Variants in C12orf56 observed in about 807,000 individuals in gnomAD.
The protein encoded by C12orf56 is uncharacterized protein C12orf56.
In C12orf56, 71 loss-of-function variants were observed where a neutral mutation model predicts 69.9. The observed-to-expected ratio is 1.02, with a 90% CI of 0.84 to 1.24. The LOEUF is 1.24. Ranked by LOEUF, C12orf56 falls within the 50% of genes most tolerant of loss-of-function variation. C12orf56 has a pLI of 0.00. For missense variants in C12orf56, 732 were observed against 738.5 expected (o/e 0.99, Z 0.10); for synonymous variants, 276 against 274.1 (o/e 1.01, Z -0.07).
chr12:64,344,161 C>G (rs904123837), intron 2 of C12orf56, among the ~76,000 whole-genome samples: 6 of 152,136 alleles, frequency 3.9e-5, no homozygotes, highest in Non-Finnish European at 7.4e-5. Context: ...TGCACAGTTA[C>G]CCTGCTAAAA....
At chr12:64,268,322 A>G (rs983074240) in intron 12 of C12orf56, among the ~76,000 whole-genome samples, 1 of 152,170 alleles carries the variant, frequency 6.6e-6, no homozygotes, top group Non-Finnish European at 1.5e-5. Flanking sequence ...GTCATCTCAC[A>G]AGTGTGACAC....
At chr12:64,328,732 T>TATATATATATATATAG (rs1555190211) in intron 3 of C12orf56, among the ~76,000 whole-genome samples, 1 of 107,176 alleles carries the variant, frequency 9.3e-6, no homozygotes, top group African/African-American at 3.3e-5. Context: ...TATATATATA[T>TATATATATATATATAG]ATATAGTATC....
Position 64,266,555 on chromosome 12 carries a change from G to A in C12orf56, c.*628C>T, listed in dbSNP as rs2037921553. ...TTCCAGAAGTGGCGTGGATGCGCCA[G>A]GCCCTGCTGGTGGTGGACATAGTGG... is the stretch of plus-strand genomic sequence containing the variant. On this transcript the variant is annotated 3_prime_UTR_variant, in exon 13 of 13. Transcript: ENST00000543942. The A allele has an allele frequency of 3.2e-6, 1 of 311,304 alleles. No homozygotes were observed. Among genetic ancestry groups the A allele is most frequent in the Admixed American group, 3.9e-5 (1 of 25,748 alleles). 19.3% of individuals were successfully genotyped at this position (311,304 alleles called of 1,614,324 possible).
intron 5 of C12orf56, among the ~76,000 whole-genome samples, chr12:64,307,865 A>G (rs2038537126): frequency 6.6e-6 from 1 of 151,752 alleles, no homozygotes; most frequent in South Asian, 2.1e-4. Context: ...TTAATTAATT[A>G]ATTAGCCAGC....
chr12:64,343,505 G>A (rs1224970355), intron 2 of C12orf56, among the ~76,000 whole-genome samples: 1 of 152,204 alleles, frequency 6.6e-6, no homozygotes, highest in Non-Finnish European at 1.5e-5. Context: ...TGGGCCTATG[G>A]ATAGGAATGG....
chr12:64,299,836 A>G (rs2038421233), intron 6 of C12orf56, among the ~76,000 whole-genome samples: 1 of 152,226 alleles, frequency 6.6e-6, no homozygotes, highest in African/African-American at 2.4e-5. Flanking sequence ...AGGAAGTGCT[A>G]TGAAAGATGT....
At chr12:64,354,955 G>A (rs531013108) in intron 1 of C12orf56, among the ~76,000 whole-genome samples, 2 of 151,292 alleles carry the variant, frequency 1.3e-5, no homozygotes, top group African/African-American at 4.8e-5. Flanking sequence ...GTGCATGCCT[G>A]TAGTCACAGC....
At chr12:64,307,368 C>CTTTTTTTT (rs748644044) in intron 5 of C12orf56, among the ~76,000 whole-genome samples, 36 of 115,248 alleles carry the variant, frequency 3.1e-4, no homozygotes, top group East Asian at 5.1e-4. Context: ...ATAGTCAGTC[C>CTTTTTTTT]TTTTTTTTTT....
chr12:64,363,712 G>A (rs1265599644), intron 1 of C12orf56, among the ~76,000 whole-genome samples: 2 of 152,126 alleles, frequency 1.3e-5, no homozygotes, highest in Non-Finnish European at 2.9e-5. Context: ...CTAAATGTTC[G>A]AGTTTAGCAC....
rs566284436 is a variant in C12orf56, at chr12:64,374,697, C to A, written c.252+15617G>T. 3.9e-5 allele frequency among the ~76,000 whole-genome samples: 6 copies of A among 152,106 alleles called. No homozygotes were observed. The East Asian group carries it at 1.2e-3, about 29-fold the overall frequency. On this transcript the variant is annotated intron_variant, in intron 1 of 12. Transcript: ENST00000543942. ...TAGCTGGGATTACAGGTGCCCACCACCATGCCCGGCTAATTTTTAAATTTT... is the reference window on the plus strand; with the variant it reads ...TAGCTGGGATTACAGGTGCCCACCAACATGCCCGGCTAATTTTTAAATTTT...
intron 11 of C12orf56, 75 bp downstream of exon 11, chr12:64,274,825 GT>G: frequency 1.7e-6 from 2 of 1,149,786 alleles, no homozygotes; most frequent in Non-Finnish European, 2.5e-6. Context: ...GAAAATCTGT[GT>G]TTTATTAATT....
chr12:64,276,987 C>T (rs1337072451), intron 9 of C12orf56, among the ~76,000 whole-genome samples: 1 of 7,072 alleles, frequency 1.4e-4, no homozygotes, highest in Non-Finnish European at 4.4e-4. Context: ...GAGTGAAACC[C>T]TTTCTTAAAA....
At chr12:64,282,172 A>G (rs1027063804) in intron 8 of C12orf56, among the ~76,000 whole-genome samples, 3 of 152,238 alleles carry the variant, frequency 2.0e-5, no homozygotes, top group Non-Finnish European at 4.4e-5. Context: ...CCCCGACAAC[A>G]AAGTGAGACC....
chr12:64,338,086 C>G, intron 2 of C12orf56: 1 of 440,594 alleles, frequency 2.3e-6, no homozygotes, highest in Non-Finnish European at 4.4e-6. Context: ...AAAGAGGAAG[C>G]TACAGAGACA....
intron 1 of C12orf56, among the ~76,000 whole-genome samples, chr12:64,377,148 A>G (rs1031109880): frequency 6.8e-6 from 1 of 147,482 alleles, no homozygotes; most frequent in Admixed American, 6.8e-5. Context: ...TGTTGGCCAC[A>G]TGTATATCTT....
In C12orf56 at chr12:64,308,980, G is replaced by GAAAGAAAGAAAGAAAAGAAAGAAAGA. The variant is rs1555188292; in HGVS notation, c.968+3698_968+3699insTCTTTCTTTCTTTTCTTTCTTTCTTT. On this transcript the variant is annotated intron_variant, in intron 5 of 12. Transcript: ENST00000543942. ...GAAAGAAAGAAAGAAAGAAAAGAAA[G>GAAAGAAAGAAAGAAAAGAAAGAAAGA]AAAGAAAAGAAAGAAGGAAAGAAAG... is the stretch of plus-strand genomic sequence containing the variant. Among the ~76,000 whole-genome samples, 269 of 121,522 alleles carry GAAAGAAAGAAAGAAAAGAAAGAAAGA rather than the reference G, an allele frequency of 2.2e-3. 14 individuals carry two copies. Among genetic ancestry groups the GAAAGAAAGAAAGAAAAGAAAGAAAGA allele is most frequent in the East Asian group, 3.5e-3 (14 of 4,006 alleles). The allele number at this position is 121,522 out of a possible 152,430, so 79.7% of individuals were successfully genotyped here.
At position 64,336,408 on chromosome 12, in the gene C12orf56, G is replaced by A. The variant is rs148222802; in HGVS notation, c.416-5376C>T. Among the ~76,000 whole-genome samples, 122 of 152,090 alleles carry A rather than the reference G, an allele frequency of 8.0e-4. No individual in the cohort carries two copies. The East Asian group carries it at 0.023, about 28-fold the overall frequency. On this transcript the variant is annotated intron_variant, in intron 2 of 12. Transcript: ENST00000543942. ...TTGCAAAGTTTCTAGGAATTTAAAT[G>A]TCATCAAACTTCGATCTGTTTTACT...
intron 12 of C12orf56, among the ~76,000 whole-genome samples, chr12:64,269,736 G>A (rs1012073240): frequency 1.3e-5 from 2 of 151,962 alleles, no homozygotes; most frequent in African/African-American, 4.8e-5. Context: ...TTACAGGCGT[G>A]CACCACCAGG....
chr12:64,316,129 G>A (rs2038688837), intron 4 of C12orf56, among the ~76,000 whole-genome samples: 2 of 151,564 alleles, frequency 1.3e-5, no homozygotes, highest in Non-Finnish European at 2.9e-5. Flanking sequence ...TTTTCAGACA[G>A]AGTCTCACTG....
Sources: allele counts gnomAD v4.1 joint callset (sites outside exome capture counted in the v4.1 genomes callset), GRCh38; gene constraint gnomAD v4.1.1; transcripts MANE v1.5; gene names NCBI Gene and HGNC (gene_info 2026-07-23, HGNC 2026-07-21).